SIK3: variants seen among roughly 807,000 people sequenced by gnomAD.
SIK3 encodes serine/threonine-protein kinase SIK3.
SIK3 carries 28 observed loss-of-function variants against 144.2 expected under a neutral mutation model. That is an observed-to-expected ratio of 0.19 (90% CI 0.14 to 0.27). SIK3 has a LOEUF of 0.27. SIK3 is among the 10% of genes least tolerant of loss of function. SIK3 has a pLI of 1.00. For synonymous variants in SIK3, 686 were observed against 676.3 expected (o/e 1.01, Z -0.22); for missense variants, 1,319 against 1,776.0 (o/e 0.74, Z 4.62).
chr11:117,022,164 C>A (rs1378055518), intron 1 of SIK3, among the ~76,000 whole-genome samples: 1 of 151,872 alleles, frequency 6.6e-6, no homozygotes, highest in African/African-American at 2.4e-5. Context: ...ATGTCAAAAT[C>A]TTTTTATTAT....
intron 3 of SIK3, among the ~76,000 whole-genome samples, chr11:116,939,759 G>A (rs1003209065): frequency 6.6e-6 from 1 of 152,086 alleles, no homozygotes; most frequent in African/African-American, 2.4e-5. Flanking sequence ...TATATGATCA[G>A]CCAAATTCCA....
intron 1 of SIK3, among the ~76,000 whole-genome samples, chr11:117,039,334 G>A (rs1417676899): frequency 6.6e-6 from 1 of 152,094 alleles, no homozygotes; most frequent in East Asian, 1.9e-4. Flanking sequence ...TGTTGCCCTG[G>A]TCTTGAACTC....
At chr11:116,851,699 G>A (rs1027596389) in intron 21 of SIK3, among the ~76,000 whole-genome samples, 1 of 152,134 alleles carries the variant, frequency 6.6e-6, no homozygotes, top group Non-Finnish European at 1.5e-5. Context: ...GCAGAGAGAA[G>A]ATAAAAGAAA....
chr11:116,960,557 G>A (rs542053139), intron 1 of SIK3, among the ~76,000 whole-genome samples: 5 of 152,222 alleles, frequency 3.3e-5, no homozygotes, highest in African/African-American at 4.8e-5. Context: ...AAAAACCAAA[G>A]TGAAGCTTTA....
At chr11:116,889,682 G>A (rs1481145666) in intron 6 of SIK3, among the ~76,000 whole-genome samples, 1 of 152,208 alleles carries the variant, frequency 6.6e-6, no homozygotes, top group Non-Finnish European at 1.5e-5. Flanking sequence ...GACTGCTTGA[G>A]TCCAGGAGTT....
At chr11:116,923,933 T>C (rs1264919347) in intron 4 of SIK3, among the ~76,000 whole-genome samples, 1 of 152,194 alleles carries the variant, frequency 6.6e-6, no homozygotes, top group Admixed American at 6.5e-5. Flanking sequence ...ACTTCAATTA[T>C]CAATAATCTC....
chr11:116,912,120 T>C (rs371646236), intron 4 of SIK3, among the ~76,000 whole-genome samples: 1 of 152,226 alleles, frequency 6.6e-6, no homozygotes, highest in Non-Finnish European at 1.5e-5. Flanking sequence ...TTAGCATTTG[T>C]CCGCAGGCTG....
intron 3 of SIK3, among the ~76,000 whole-genome samples, chr11:116,941,636 C>T (rs1361552153): frequency 6.6e-6 from 1 of 152,178 alleles, no homozygotes; most frequent in African/African-American, 2.4e-5. Context: ...TTCAGGGTTC[C>T]ATACATGTTG....
intron 6 of SIK3, among the ~76,000 whole-genome samples, chr11:116,884,974 A>G (rs752557225): frequency 2.0e-5 from 3 of 152,216 alleles, no homozygotes; most frequent in Non-Finnish European, 4.4e-5. Flanking sequence ...GGGGAAGAAA[A>G]ATGGAAGTCC....
chr11:116,976,096 T>C (rs989466801), intron 1 of SIK3, among the ~76,000 whole-genome samples: 2 of 152,252 alleles, frequency 1.3e-5, no homozygotes, highest in South Asian at 4.1e-4. Context: ...TTTTTATATA[T>C]TCTAGATACA....
At chr11:117,012,128 C>T (rs1024281544) in intron 1 of SIK3, among the ~76,000 whole-genome samples, 1 of 152,038 alleles carries the variant, frequency 6.6e-6, no homozygotes, top group Non-Finnish European at 1.5e-5. Context: ...CATGTACCCC[C>T]ACACCTGGCT....
At chr11:116,953,418 T>A (rs970669922) in intron 3 of SIK3, among the ~76,000 whole-genome samples, 1 of 152,178 alleles carries the variant, frequency 6.6e-6, no homozygotes, top group Non-Finnish European at 1.5e-5. Flanking sequence ...TTATCACTGT[T>A]AGAAAAAAAA....
chr11:116,915,025 A>C (rs1258249913), intron 4 of SIK3, among the ~76,000 whole-genome samples: 1 of 152,220 alleles, frequency 6.6e-6, no homozygotes, highest in Non-Finnish European at 1.5e-5. Context: ...ACAAATTCAT[A>C]TTATCCCATC....
intron 1 of SIK3, among the ~76,000 whole-genome samples, chr11:116,981,463 A>G (rs550233892): frequency 2.0e-5 from 3 of 152,232 alleles, no homozygotes; most frequent in Non-Finnish European, 4.4e-5. Flanking sequence ...AAATGAAATA[A>G]TATCACTTCT....
At chr11:116,936,617 T>C (rs1947934424) in intron 3 of SIK3, among the ~76,000 whole-genome samples, 1 of 152,210 alleles carries the variant, frequency 6.6e-6, no homozygotes, top group South Asian at 2.1e-4. Flanking sequence ...TCCAATTACT[T>C]ACAAAATACG....
chr11:116,869,765 T>A (rs958249155), intron 14 of SIK3: 4 of 240,946 alleles, frequency 1.7e-5, no homozygotes, highest in Non-Finnish European at 3.3e-5. Flanking sequence ...GAGTTAGGCA[T>A]CTCTCAACAA....
intron 4 of SIK3, among the ~76,000 whole-genome samples, chr11:116,898,487 C>T (rs1945550854): frequency 1.3e-5 from 2 of 151,940 alleles, no homozygotes; most frequent in South Asian, 4.2e-4. Flanking sequence ...TGGGTATATA[C>T]CCAGTAATGG....
chr11:116,929,289 T>C (rs1175903795), intron 3 of SIK3, among the ~76,000 whole-genome samples: 1 of 152,186 alleles, frequency 6.6e-6, no homozygotes. Context: ...CAGCTATTCT[T>C]GAGAAACATA....
At chr11:117,061,670 C>T (rs1257772112) in intron 1 of SIK3, among the ~76,000 whole-genome samples, 1 of 152,162 alleles carries the variant, frequency 6.6e-6, no homozygotes. Context: ...TCAGGCCACT[C>T]CAGCCCTACT....
Sources: allele counts gnomAD v4.1 joint callset (sites outside exome capture counted in the v4.1 genomes callset), GRCh38; gene constraint gnomAD v4.1.1; transcripts MANE v1.5; gene names NCBI Gene and HGNC (gene_info 2026-07-23, HGNC 2026-07-21).